The following HHAT variants were observed in gnomAD, a reference collection of about 807,000 sequenced individuals.
HHAT encodes hedgehog acyltransferase, also known as protein-cysteine N-palmitoyltransferase HHAT.
In HHAT, 47 loss-of-function variants were observed where a neutral mutation model predicts 70.8. That is an observed-to-expected ratio of 0.66 (90% CI 0.53 to 0.85). HHAT has a LOEUF of 0.85. Among genes scored for constraint, HHAT ranks in the 40% least tolerant of loss-of-function variants. The pLI, the probability that HHAT is intolerant of heterozygous loss-of-function variation, is 0.00. For synonymous variants in HHAT, 228 were observed against 247.6 expected (o/e 0.92, Z 0.74); for missense variants, 609 against 604.8 (o/e 1.01, Z -0.07).
rs1163774098 is a variant in HHAT at position 210,676,191 on chromosome 1, C to T, written c.*1812C>T. 1 of 152,134 alleles carries T rather than the reference C, an allele frequency of 6.6e-6. No individual in the cohort carries two copies. Among genetic ancestry groups the T allele is most frequent in the Admixed American group, 6.5e-5 (1 of 15,290 alleles). 9.4% of individuals were successfully genotyped at this position (152,134 alleles called of 1,614,324 possible). A position where few individuals can be genotyped will look rare whatever the true frequency, so the allele number is the denominator to read the frequency against. ...TTCATTCATTAAACTACTTTGGAAG[C>T]GTCAGTGGATATATTTGAAAGTGGT... is the stretch of plus-strand genomic sequence containing the variant. On this transcript the variant is annotated 3_prime_UTR_variant, in exon 12 of 12. Transcript: ENST00000261458.
At position 210,342,038 on chromosome 1, in the gene HHAT, A is replaced by G. The variant is rs547189632; in HGVS notation, c.-43-6895A>G. Reference sequence around the variant, plus strand: ...AGATCCTGTTGTCTTACAGCTTTGGAGTTGCTGTTTTATCTTCTTCATCTT... The same window carrying G: ...AGATCCTGTTGTCTTACAGCTTTGGGGTTGCTGTTTTATCTTCTTCATCTT... On this transcript the variant is annotated intron_variant, in intron 1 of 11. Coordinates refer to ENST00000261458, the MANE Select transcript of HHAT (RefSeq NM_018194.6). Among the ~76,000 whole-genome samples, 3 of 152,062 alleles carry G rather than the reference A, an allele frequency of 2.0e-5. No individual in the cohort carries two copies. The South Asian group carries it at 6.2e-4, about 32-fold the overall frequency.
chr1:210,427,751 T>C (rs1280069118), intron 7 of HHAT, among the ~76,000 whole-genome samples: 3 of 152,128 alleles, frequency 2.0e-5, no homozygotes, highest in African/African-American at 4.8e-5. Flanking sequence ...TGCCATGTGA[T>C]GATGAGAAGA....
intron 8 of HHAT, among the ~76,000 whole-genome samples, chr1:210,495,625 A>T (rs546196936): frequency 2.6e-5 from 4 of 152,250 alleles, no homozygotes; most frequent in African/African-American, 9.6e-5. Context: ...GGAATTCCAG[A>T]TATTTGTTAC....
At chr1:210,602,239 A>G (rs1664446328) in intron 10 of HHAT, among the ~76,000 whole-genome samples, 1 of 152,102 alleles carries the variant, frequency 6.6e-6, no homozygotes, top group Admixed American at 6.6e-5. Context: ...GGGGCTTATG[A>G]TCCAGATGGA....
At position 210,432,586 on chromosome 1, in the gene HHAT, T is replaced by C. The variant is rs1252339727; in HGVS notation, c.856+14261T>C. ...AGAGGCAGAAGCTAATATGCTGCTTTAGTTGTGTTAAATGATGACTTAACT... is the reference window on the plus strand; with the variant it reads ...AGAGGCAGAAGCTAATATGCTGCTTCAGTTGTGTTAAATGATGACTTAACT... On this transcript the variant is annotated intron_variant, in intron 7 of 11. Coordinates refer to ENST00000261458, the MANE Select transcript of HHAT (RefSeq NM_018194.6). 3.9e-5 allele frequency among the ~76,000 whole-genome samples: 6 copies of C among 152,024 alleles called. No individual in the cohort carries two copies. In the South Asian group the frequency reaches 6.2e-4, roughly 16 times the overall value.
chr1:210,434,770 A>G (rs2093336681), intron 7 of HHAT, among the ~76,000 whole-genome samples: 2 of 151,886 alleles, frequency 1.3e-5, no homozygotes, highest in African/African-American at 4.9e-5. Context: ...AATACTAGCT[A>G]AAATTTACAT....
At chr1:210,604,983 T>C (rs1384806497) in intron 10 of HHAT, among the ~76,000 whole-genome samples, 1 of 151,374 alleles carries the variant, frequency 6.6e-6, no homozygotes, top group South Asian at 2.1e-4. Context: ...ACTTGGCAAA[T>C]AGCTATTGTG....
At chr1:210,619,723 A>G (rs979931093) in intron 10 of HHAT, among the ~76,000 whole-genome samples, 3 of 148,878 alleles carry the variant, frequency 2.0e-5, no homozygotes, top group African/African-American at 5.0e-5. Context: ...ATGCCCAGCA[A>G]CTTTTCAAAC....
At chr1:210,623,762 A>T in intron 11 of HHAT, 92 bp downstream of exon 11, 1 of 1,332,350 alleles carries the variant, frequency 7.5e-7, no homozygotes, top group Non-Finnish European at 1.0e-6. Context: ...ATTTGGGGGA[A>T]GTCATTCATT....
At chr1:210,604,377 C>A (rs532042937) in intron 10 of HHAT, among the ~76,000 whole-genome samples, 1 of 151,930 alleles carries the variant, frequency 6.6e-6, no homozygotes, top group Non-Finnish European at 1.5e-5. Context: ...TGAGTCACTG[C>A]GCCCAGCCTA....
chr1:210,539,104 C>T (rs34226838), intron 9 of HHAT, among the ~76,000 whole-genome samples: 19,250 of 152,096 alleles, frequency 0.13, 1,576 homozygotes, highest in South Asian at 0.21. Context: ...GAAAGAGAGC[C>T]ATGTGGAGGC....
At chr1:210,376,363 C>A (rs1245922369) in intron 3 of HHAT, among the ~76,000 whole-genome samples, 2 of 152,168 alleles carry the variant, frequency 1.3e-5, no homozygotes, top group Admixed American at 1.3e-4. Context: ...AATCCCCTTA[C>A]ATTCGTTTTA....
At chr1:210,600,901 G>C (rs1189610388) in intron 10 of HHAT, among the ~76,000 whole-genome samples, 1 of 151,930 alleles carries the variant, frequency 6.6e-6, no homozygotes, top group Non-Finnish European at 1.5e-5. Flanking sequence ...CCATTTCATT[G>C]AATAATTTAA....
chr1:210,555,711 A>G (rs1218572734), intron 9 of HHAT, among the ~76,000 whole-genome samples: 1 of 152,246 alleles, frequency 6.6e-6, no homozygotes, highest in Non-Finnish European at 1.5e-5. Context: ...TTAATGGCTG[A>G]AGCCCATATA....
intron 11 of HHAT, among the ~76,000 whole-genome samples, chr1:210,637,851 T>G (rs1573918870): frequency 1.2e-5 from 1 of 86,626 alleles, no homozygotes; most frequent in Non-Finnish European, 2.3e-5. Flanking sequence ...AGAGTGAGAC[T>G]CCGTCTCAAA....
At chr1:210,331,207 G>A (rs112769849) in intron 1 of HHAT, among the ~76,000 whole-genome samples, 4,643 of 152,090 alleles carry the variant, frequency 0.031, 203 homozygotes, top group African/African-American at 0.1. Context: ...TAGAATCAGT[G>A]GGACCCCTGA....
chr1:210,346,899 G>T (rs1264779745), intron 1 of HHAT, among the ~76,000 whole-genome samples: 3 of 152,152 alleles, frequency 2.0e-5, no homozygotes, highest in Non-Finnish European at 4.4e-5. Context: ...TTACTTATTT[G>T]TTTACTCACA....
At chr1:210,551,579 CA>C (rs2095528181) in intron 9 of HHAT, among the ~76,000 whole-genome samples, 1 of 152,180 alleles carries the variant, frequency 6.6e-6, no homozygotes, top group Non-Finnish European at 1.5e-5. Flanking sequence ...TTTATCATCA[CA>C]AGGAACTACT....
intron 10 of HHAT, among the ~76,000 whole-genome samples, chr1:210,595,821 T>G (rs1662860917): frequency 6.6e-6 from 1 of 152,232 alleles, no homozygotes. Flanking sequence ...TTGTTTGTTT[T>G]TTTTTCTTGT....
Sources: allele counts gnomAD v4.1 joint callset (sites outside exome capture counted in the v4.1 genomes callset), GRCh38; gene constraint gnomAD v4.1.1; transcripts MANE v1.5; gene names NCBI Gene and HGNC (gene_info 2026-07-23, HGNC 2026-07-21).